Variants in BRD10 observed in about 807,000 individuals in gnomAD.
The protein encoded by BRD10 is uncharacterized bromodomain-containing protein 10.
the BRD10 span, among the ~76,000 whole-genome samples, chr9:5,889,002 C>G: frequency 1.3e-5 from 2 of 152,270 alleles, no homozygotes; most frequent in South Asian, 4.2e-4. Flanking sequence ...AAGCACTTCC[C>G]AAAGCCAAAC....
At chr9:5,887,568 A>C in the BRD10 span, among the ~76,000 whole-genome samples, 7 of 152,294 alleles carry the variant, frequency 4.6e-5, no homozygotes, top group Admixed American at 4.6e-4. Flanking sequence ...AGCTCAGTGC[A>C]ATGGACTTTT....
chr9:5,995,082 A>G, the BRD10 span, among the ~76,000 whole-genome samples: 1 of 151,958 alleles, frequency 6.6e-6, no homozygotes, highest in East Asian at 1.9e-4. Context: ...AGCATTTTCA[A>G]TAGAGACGGG....
the BRD10 span, among the ~76,000 whole-genome samples, chr9:5,881,317 A>C: frequency 3.9e-5 from 6 of 152,198 alleles, no homozygotes; most frequent in Non-Finnish European, 7.3e-5. Context: ...AAGAATCTCA[A>C]ACGGTCAGCC....
At chr9:5,922,570 T>C in the BRD10 span, 1 of 1,614,000 alleles carries the variant, frequency 6.2e-7, no homozygotes, top group Non-Finnish European at 8.5e-7. Context: ...TTATATTTGT[T>C]GTCTGTGGGA....
the BRD10 span, among the ~76,000 whole-genome samples, chr9:5,949,903 G>A: frequency 1.3e-5 from 2 of 152,002 alleles, no homozygotes; most frequent in Non-Finnish European, 2.9e-5. Context: ...GTCTTTCTTT[G>A]ATTACAAAAC....
At chr9:5,940,400 A>G in the BRD10 span, among the ~76,000 whole-genome samples, 39,059 of 151,510 alleles carry the variant, frequency 0.26, 5,057 homozygotes, top group South Asian at 0.34. Flanking sequence ...TCACCATGTT[A>G]GCCAGGCTGG....
At chr9:5,919,980 C>T in the BRD10 span, 5 of 1,613,948 alleles carry the variant, frequency 3.1e-6, no homozygotes, top group Non-Finnish European at 4.2e-6. Context: ...GACTTAATTA[C>T]TGAAGTCAGT....
At chr9:5,922,500 TTGGTAGTTG>T in the BRD10 span, 144 of 1,614,006 alleles carry the variant, frequency 8.9e-5, no homozygotes, top group African/African-American at 1.7e-3. Flanking sequence ...AAAGCTGTAT[TTGGTAGTTG>T]GGTAGAAACA....
chr9:5,957,343 A>C, the BRD10 span, among the ~76,000 whole-genome samples: 1 of 152,152 alleles, frequency 6.6e-6, no homozygotes, highest in Non-Finnish European at 1.5e-5. Context: ...CCATTATGTA[A>C]TTCTACTGCA....
At chr9:5,935,947 T>C in the BRD10 span, among the ~76,000 whole-genome samples, 143 of 152,304 alleles carry the variant, frequency 9.4e-4, no homozygotes, top group African/African-American at 3.2e-3. Flanking sequence ...TTTCTGACAA[T>C]ATAATGAATA....
the BRD10 span, among the ~76,000 whole-genome samples, chr9:5,964,011 C>T: frequency 1.1e-4 from 17 of 151,942 alleles, no homozygotes; most frequent in East Asian, 3.9e-4. Flanking sequence ...ACTTCATGTC[C>T]AAAACACCAA....
At chr9:6,005,500 G>C in the BRD10 span, among the ~76,000 whole-genome samples, 4 of 152,198 alleles carry the variant, frequency 2.6e-5, no homozygotes, top group African/African-American at 9.7e-5. Flanking sequence ...GGGAGACTCA[G>C]AGAAAATAAA....
At chr9:5,902,297 T>C in the BRD10 span, among the ~76,000 whole-genome samples, 4 of 152,356 alleles carry the variant, frequency 2.6e-5, no homozygotes, top group South Asian at 8.3e-4. Context: ...GCATAGTTCA[T>C]AGTATTCCTT....
chr9:5,990,151 G>A, the BRD10 span, among the ~76,000 whole-genome samples: 1 of 152,168 alleles, frequency 6.6e-6, no homozygotes, highest in Non-Finnish European at 1.5e-5. Context: ...GTATACAATG[G>A]CATACATCTG....
chr9:5,902,275 T>C, the BRD10 span, among the ~76,000 whole-genome samples: 1 of 152,320 alleles, frequency 6.6e-6, no homozygotes, highest in African/African-American at 2.4e-5. Flanking sequence ...ACCTAGGTTT[T>C]CAAATTTGTG....
chr9:5,968,571 A>C, the BRD10 span: 13 of 1,613,926 alleles, frequency 8.1e-6, no homozygotes, highest in Admixed American at 2.0e-4. Flanking sequence ...TGATTATCCA[A>C]GATCATTTTA....
At chr9:5,967,147 A>T in the BRD10 span, among the ~76,000 whole-genome samples, 49 of 152,286 alleles carry the variant, frequency 3.2e-4, 1 homozygote, top group South Asian at 9.9e-3. Context: ...TGAAATCCAC[A>T]AACAATGATG....
the BRD10 span, chr9:5,909,807 A>C: frequency 2.0e-5 from 3 of 152,264 alleles, no homozygotes; most frequent in Admixed American, 1.3e-4. Context: ...GAAATCATAA[A>C]GGATCAGAGA....
the BRD10 span, among the ~76,000 whole-genome samples, chr9:5,973,840 C>T: frequency 6.6e-6 from 1 of 152,142 alleles, no homozygotes; most frequent in South Asian, 2.1e-4. Context: ...TGTGTTCATG[C>T]CATGGCACTC....
Sources: gnomAD v4.1 joint callset for allele counts (sites outside exome capture counted in the v4.1 genomes callset) on GRCh38, gnomAD v4.1.1 for gene constraint, MANE v1.5 for transcripts, NCBI Gene and HGNC (gene_info 2026-07-23, HGNC 2026-07-21) for gene names.